Variants in BCL6 observed in about 807,000 individuals in gnomAD.
BCL6 encodes BCL6 transcription repressor.
In BCL6, 7 loss-of-function variants were observed where a neutral mutation model predicts 59.5. The observed-to-expected ratio is 0.12, with a 90% CI of 0.07 to 0.22. The LOEUF (loss-of-function observed/expected upper bound fraction) is 0.22, where lower values mean the gene tolerates loss of function less well. Among genes scored for constraint, BCL6 ranks in the 10% least tolerant of loss-of-function variants. BCL6 has a pLI of 1.00. For synonymous variants in BCL6, 339 were observed against 349.7 expected, an observed-to-expected ratio of 0.97 and a Z score of 0.34; for missense variants, 685 against 939.4, an observed-to-expected ratio of 0.73 and a Z score of 3.54.
Position 187,722,394 on chromosome 3 carries a change from T to C in BCL6, c.*64A>G. Reference sequence around the variant, plus strand: ...ATCATGGGATGAACATTGTAAAGTGTTACAGTATCCTTTGGGTAGATTCTG... The same window carrying C: ...ATCATGGGATGAACATTGTAAAGTGCTACAGTATCCTTTGGGTAGATTCTG... On this transcript the variant is annotated 3_prime_UTR_variant, in exon 10 of 10. Coordinates refer to ENST00000406870, the MANE Select transcript of BCL6 (RefSeq NM_001706.5). 6.6e-7 allele frequency: 1 copy of C among 1,517,074 alleles called. No individual in the cohort carries two copies. The highest frequency in any genetic ancestry group is 8.9e-7 in the Non-Finnish European group (1 of 1,126,400). The allele number at this position is 1,517,074 out of a possible 1,614,324, so 94.0% of individuals were successfully genotyped here.
At chr3:187,745,032 C>T (rs185069597) in intron 1 of BCL6, among the ~76,000 whole-genome samples, 11 of 152,050 alleles carry the variant, frequency 7.2e-5, no homozygotes, top group East Asian at 3.9e-4. Context: ...CCCCTCCTTC[C>T]TCTCCTCCAC....
intron 6 of BCL6, among the ~76,000 whole-genome samples, chr3:187,728,090 C>A (rs970333342): frequency 1.3e-5 from 2 of 152,184 alleles, no homozygotes; most frequent in African/African-American, 4.8e-5. Context: ...GCCCCACAAG[C>A]TACTTTTGCT....
chr3:187,726,850 T>C lies in BCL6; in HGVS notation c.1589A>G (p.Glu530Gly), dbSNP rs1368110797. The change falls in exon 7 of 10, where the codon GAG becomes GGG. Residue 530 changes from glutamate to glycine, a missense_variant. This residue lies in a region of BCL6 where 207 missense variants were observed against 213.7 expected (regional missense o/e 0.97). Transcript: ENST00000406870. ...CNECDCRFSE[E>G]ASLKRHTLQT... ...CAGCGTGTGCCTCTTGAGTGAGGCCTCCTCAGAGAAGCGGCAGTCACACTC... is the reference window on the plus strand; with the variant it reads ...CAGCGTGTGCCTCTTGAGTGAGGCCCCCTCAGAGAAGCGGCAGTCACACTC... The C allele has an allele frequency of 6.2e-7, 1 of 1,614,056 alleles. No individual in the cohort carries two copies. Among genetic ancestry groups the C allele is most frequent in the Non-Finnish European group, 8.5e-7 (1 of 1,180,030 alleles).
intron 1 of BCL6, chr3:187,737,752 CTTTTTTTTTT>C (rs60679881): frequency 1.2e-5 from 1 of 83,374 alleles, no homozygotes; most frequent in Admixed American, 1.6e-4. Flanking sequence ...GTGTGTATGC[CTTTTTTTTTT>C]TTTTTTTTTT....
In BCL6 at chr3:187,722,397, C is replaced by T. The variant is rs1718465275; in HGVS notation, c.*61G>A. ...ATGGGATGAACATTGTAAAGTGTTA[C>T]AGTATCCTTTGGGTAGATTCTGAGA... On this transcript the variant is annotated 3_prime_UTR_variant, in exon 10 of 10. Coordinates refer to ENST00000406870, the MANE Select transcript of BCL6 (RefSeq NM_001706.5). 1 of 1,345,186 alleles carries T rather than the reference C, an allele frequency of 7.4e-7. No individual in the cohort carries two copies. The highest frequency in any genetic ancestry group is 1.6e-5 in the African/African-American group (1 of 63,868). 83.3% of individuals were successfully genotyped at this position (1,345,186 alleles called of 1,614,324 possible). A position where few individuals can be genotyped will look rare whatever the true frequency, so the allele number is the denominator to read the frequency against.
In BCL6 at chr3:187,722,425, G is replaced by C; in HGVS notation, c.*33C>G. 2 of 1,598,394 alleles carry C rather than the reference G, an allele frequency of 1.3e-6. No homozygotes were observed. The highest frequency in any genetic ancestry group is 1.7e-6 in the Non-Finnish European group (2 of 1,172,368). On this transcript the variant is annotated 3_prime_UTR_variant, in exon 10 of 10. Coordinates refer to ENST00000406870, the MANE Select transcript of BCL6 (RefSeq NM_001706.5). Reference sequence around the variant, plus strand: ...TATCCTTTGGGTAGATTCTGAGAAGGGGCTGGAGACGAAAGCATCAACACT... The same window carrying C: ...TATCCTTTGGGTAGATTCTGAGAAGCGGCTGGAGACGAAAGCATCAACACT...
chr3:187,736,961 CA>C, intron 1 of BCL6: 1 of 152,304 alleles, frequency 6.6e-6, no homozygotes, highest in Non-Finnish European at 1.5e-5. Context: ...AGGCCTTGCC[CA>C]AAATCTCAAA....
chr3:187,741,839 A>C (rs1711609372), intron 1 of BCL6, among the ~76,000 whole-genome samples: 1 of 152,178 alleles, frequency 6.6e-6, no homozygotes, highest in South Asian at 2.1e-4. Context: ...GGTGTTTTAC[A>C]CCAAAACATC....
At chr3:187,745,265 C>CCAAAG in intron 1 of BCL6, 145 bp downstream of exon 1, 1 of 397,862 alleles carries the variant, frequency 2.5e-6, no homozygotes, top group African/African-American at 2.1e-5. Flanking sequence ...AAACTTGGAG[C>CCAAAG]CAAAGCATTT....
At chr3:187,743,678 C>T (rs1560160293) in intron 1 of BCL6, among the ~76,000 whole-genome samples, 1 of 152,198 alleles carries the variant, frequency 6.6e-6, no homozygotes, top group African/African-American at 2.4e-5. Flanking sequence ...AAGACATTTA[C>T]CACGGTCACT....
At position 187,724,900 on chromosome 3, in the gene BCL6, A is replaced by C. The variant is rs765176575; in HGVS notation, c.1977+41T>G. The C allele has an allele frequency of 1.5e-5, 24 of 1,554,856 alleles. No individual in the cohort carries two copies. In the South Asian group the frequency reaches 1.8e-4, roughly 12 times the overall value. ...CTCCACCTCCTTCCCTGCCCTCCAC[A>C]TCCCCGCAGGTCAGAGAGCGGCCTC... On this transcript the variant is annotated intron_variant, in intron 9 of 9. Coordinates refer to ENST00000406870, the MANE Select transcript of BCL6 (RefSeq NM_001706.5).
chr3:187,743,699 G>C (rs967048220), intron 1 of BCL6, among the ~76,000 whole-genome samples: 1 of 152,072 alleles, frequency 6.6e-6, no homozygotes, highest in South Asian at 2.1e-4. Context: ...ACATCCGGCA[G>C]CGGGGTGGCC....
chr3:187,729,892 G>A lies in BCL6; in HGVS notation c.513C>T (p.Ser171=), dbSNP rs751896144. ...EVVENNLPLR[S]APGCESRAFA... is the part of the protein sequence containing the mutation. ...AGGCTCTGCTCTCACACCCAGGGGC[G>A]CTCCTCAGTGGCAGGTTGTTCTCCA... Residue 171 remains serine, a synonymous_variant, in exon 5 of 10, where the codon AGC becomes AGT. Transcript: ENST00000406870. This position sits in a 1 kb window ranked among gnomAD's most constrained non-coding sequence, Gnocchi z 5.6. 3.1e-5 allele frequency: 50 copies of A among 1,613,970 alleles called. No individual in the cohort carries two copies. Among genetic ancestry groups the A allele is most frequent in the Non-Finnish European group, 3.0e-5 (35 of 1,180,026 alleles).
chr3:187,744,011 G>A (rs1711741533), intron 1 of BCL6, among the ~76,000 whole-genome samples: 3 of 152,204 alleles, frequency 2.0e-5, no homozygotes, highest in East Asian at 1.9e-4. Context: ...AGGAACGCGG[G>A]CTGGGGCTCT....
chr3:187,744,811 A>G (rs373167388), intron 1 of BCL6, among the ~76,000 whole-genome samples: 1 of 101,830 alleles, frequency 9.8e-6, no homozygotes, highest in Admixed American at 1.3e-4. Context: ...GGAGCGACGG[A>G]GCAAGGAAAG....
chr3:187,724,746 C>T lies in BCL6; in HGVS notation c.1977+195G>A, dbSNP rs184641952. The T allele has an allele frequency of 4.6e-3, 3,416 of 738,178 alleles. 16 individuals are homozygous for T. The highest frequency in any genetic ancestry group is 6.6e-3 in the Non-Finnish European group (3,075 of 464,886). The allele number at this position is 738,178 out of a possible 1,614,324, so 45.7% of individuals were successfully genotyped here. ...AGTCCCCTAATGCTTGGGCCAAGGT[C>T]AAGCAGGGTGTCTGGCCATTGGGCC... On this transcript the variant is annotated intron_variant, in intron 9 of 9. Transcript: ENST00000406870.
chr3:187,742,590 C>G (rs965572326), intron 1 of BCL6, among the ~76,000 whole-genome samples: 1 of 151,746 alleles, frequency 6.6e-6, no homozygotes, highest in African/African-American at 2.4e-5. Context: ...ATGCTTCGGC[C>G]TCTAGTATTG....
chr3:187,745,044 T>C lies in BCL6; in HGVS notation c.-50+366A>G, dbSNP rs576645657. Among the ~76,000 whole-genome samples the C allele has an allele frequency of 4.0e-5, 6 of 149,718 alleles. No individual in the cohort carries two copies. The South Asian group carries it at 6.4e-4, about 16-fold the overall frequency. ...ATTCCCCTCCTTCCTCTCCTCCACCTCCTTTCCAAAAACCAAAACAACACA... is the reference window on the plus strand; with the variant it reads ...ATTCCCCTCCTTCCTCTCCTCCACCCCCTTTCCAAAAACCAAAACAACACA... On this transcript the variant is annotated intron_variant, in intron 1 of 9. Transcript: ENST00000406870.
intron 1 of BCL6, among the ~76,000 whole-genome samples, chr3:187,744,425 G>A (rs1357513954): frequency 6.6e-6 from 1 of 151,328 alleles, no homozygotes; most frequent in Non-Finnish European, 1.5e-5. Context: ...AACCAAGAAA[G>A]AATAATTTTC....
Sources: gnomAD v4.1 joint callset for allele counts (sites outside exome capture counted in the v4.1 genomes callset) on GRCh38, gnomAD v4.1.1 for gene constraint, gnomAD v4.1.1 regional missense constraint, Gnocchi (gnomAD v3.1) non-coding constraint, MANE v1.5 for transcripts, NCBI Gene and HGNC (gene_info 2026-07-23, HGNC 2026-07-21) for gene names.